The following KDM3A variants were observed in gnomAD, a reference collection of about 807,000 sequenced individuals.
KDM3A encodes lysine-specific demethylase 3A.
A neutral mutation model predicts 158.0 loss-of-function variants in KDM3A; 60 were observed. The observed-to-expected ratio is 0.38, with a 90% CI of 0.31 to 0.47. The LOEUF is 0.47. Ranked by LOEUF, KDM3A falls within the 20% of genes least tolerant of loss-of-function variation. The pLI, the probability that KDM3A is intolerant of heterozygous loss-of-function variation, is 0.99. For synonymous variants in KDM3A, 608 were observed against 549.3 expected (o/e 1.11, Z -1.49); for missense variants, 1,319 against 1,574.3 (o/e 0.84, Z 2.74).
intron 25 of KDM3A, chr2:86,491,824 G>A (rs1573219223): frequency 1.8e-6 from 1 of 553,796 alleles, no homozygotes; most frequent in Non-Finnish European, 3.2e-6. Flanking sequence ...ACCTCTAAAA[G>A]GGGGAAAATG....
chr2:86,485,215 T>C (rs950976099), intron 20 of KDM3A, among the ~76,000 whole-genome samples, 186 bp downstream of exon 20: 2 of 152,224 alleles, frequency 1.3e-5, no homozygotes, highest in African/African-American at 4.8e-5. Context: ...GATGAAGAAG[T>C]GATTGGCTTT....
chr2:86,452,195 CTT>C (rs35158232), intron 4 of KDM3A, among the ~76,000 whole-genome samples: 7 of 138,638 alleles, frequency 5.0e-5, no homozygotes, highest in Non-Finnish European at 4.6e-5. Flanking sequence ...CATTTTTGTG[CTT>C]TTTTTTTTTT....
Position 86,466,864 on chromosome 2 carries a change from C to T in KDM3A, c.1500C>T (p.Ser500=), listed in dbSNP as rs981115527. ...KVDNESCCSR[S]NNKIQNAPSR... is the part of the protein sequence containing the mutation. ...ATAATGAAAGCTGTTGTTCAAGAAG[C>T]AACAATAAAATCCAGAATGGTGAGT... Residue 500 remains serine (S), a synonymous_variant, in exon 10 of 26, where the codon AGC becomes AGT. Coordinates refer to ENST00000312912, the MANE Select transcript of KDM3A (RefSeq NM_018433.6). 58 of 1,602,490 alleles carry T rather than the reference C, an allele frequency of 3.6e-5. No homozygotes were observed. Among genetic ancestry groups the T allele is most frequent in the Non-Finnish European group, 4.9e-5 (58 of 1,175,264 alleles).
intron 8 of KDM3A, among the ~76,000 whole-genome samples, chr2:86,459,635 G>C (rs1672845237): frequency 6.6e-6 from 1 of 152,170 alleles, no homozygotes; most frequent in African/African-American, 2.4e-5. Flanking sequence ...TGTTGAGTGT[G>C]TCAGCAATGA....
chr2:86,490,087 TC>T (rs1307183287), intron 23 of KDM3A: 1 of 154,298 alleles, frequency 6.5e-6, no homozygotes, highest in Non-Finnish European at 1.4e-5. Context: ...TAGCAAGTGG[TC>T]CTACTTGTTA....
intron 14 of KDM3A, 130 bp downstream of exon 14, chr2:86,478,395 T>C (rs1461412664): frequency 2.4e-6 from 2 of 833,146 alleles, no homozygotes; most frequent in Non-Finnish European, 1.9e-6. Context: ...AGAAATATAT[T>C]AGATAATTCC....
At chr2:86,485,149 C>A in intron 20 of KDM3A, 120 bp downstream of exon 20, 1 of 617,470 alleles carries the variant, frequency 1.6e-6, no homozygotes, top group Non-Finnish European at 2.9e-6. Context: ...ATTATACTGC[C>A]ACTGATTTTT....
chr2:86,438,921 C>G (rs1270401749), upstream of KDM3A, among the ~76,000 whole-genome samples: 1 of 151,994 alleles, frequency 6.6e-6, no homozygotes, highest in Admixed American at 6.5e-5. Context: ...AAATCCTCTA[C>G]AACTTTCCAA....
Position 86,478,612 on chromosome 2 carries a change from C to T in KDM3A, c.2193C>T (p.Leu731=). The stretch of plus-strand genomic sequence containing the variant: ...TTGCCTCTGCCCTTTCTTTAGCACT[C>T]TATGATGTTGGAGACATTGTTCATT... ...MPTQIIPGKA[L]YDVGDIVHSV... is the part of the protein sequence containing the mutation. The change falls in exon 15 of 26, where the codon CTC becomes CTT. Residue 731 remains leucine, a synonymous_variant. Coordinates refer to ENST00000312912, the MANE Select transcript of KDM3A (RefSeq NM_018433.6). 6.2e-7 allele frequency: 1 copy of T among 1,614,022 alleles called. No homozygotes were observed. The highest frequency in any genetic ancestry group is 8.5e-7 in the Non-Finnish European group (1 of 1,179,956).
At chr2:86,466,350 C>T (rs200859016) in intron 9 of KDM3A, 22 bp from the exon 10 acceptor site, 9 of 1,580,774 alleles carry the variant, frequency 5.7e-6, no homozygotes, top group East Asian at 2.2e-5. Flanking sequence ...TGGATGCTAG[C>T]TTTCTATATT....
chr2:86,481,149 C>CA (rs1274432561), intron 16 of KDM3A, among the ~76,000 whole-genome samples: 1 of 152,140 alleles, frequency 6.6e-6, no homozygotes, highest in African/African-American at 2.4e-5. Context: ...TAATGATTTA[C>CA]AAAAAACTTC....
chr2:86,443,306 A>G (rs1012019073), intron 2 of KDM3A: 1 of 152,208 alleles, frequency 6.6e-6, no homozygotes, highest in African/African-American at 2.4e-5. Flanking sequence ...TTATATGTTG[A>G]TTTCTGAAAC....
At chr2:86,481,531 A>G (rs1673929082) in intron 16 of KDM3A, among the ~76,000 whole-genome samples, 1 of 151,646 alleles carries the variant, frequency 6.6e-6, no homozygotes. Flanking sequence ...TGTGTTCAAG[A>G]ACAAGACAAA....
At chr2:86,460,934 C>T (rs1456303451) in intron 8 of KDM3A, 1 of 152,122 alleles carries the variant, frequency 6.6e-6, no homozygotes, top group Non-Finnish European at 1.5e-5. Flanking sequence ...TGAGCTAAAC[C>T]TTAGGAAAGT....
chr2:86,442,416 C>T (rs887688457), intron 2 of KDM3A, 183 bp downstream of exon 2: 1 of 597,602 alleles, frequency 1.7e-6, no homozygotes, highest in African/African-American at 1.9e-5. Flanking sequence ...TTGTGTTTGG[C>T]CCACAGCTCC....
intron 1 of KDM3A, 107 bp from the exon 2 acceptor site, chr2:86,441,911 C>T (rs1573130033): frequency 2.4e-6 from 2 of 839,844 alleles, no homozygotes; most frequent in East Asian, 3.2e-5. Flanking sequence ...CGCCCGGGGC[C>T]GCGTCCTCGC....
intron 2 of KDM3A, among the ~76,000 whole-genome samples, chr2:86,446,378 G>C (rs1418809751): frequency 6.6e-6 from 1 of 152,158 alleles, no homozygotes; most frequent in Non-Finnish European, 1.5e-5. Flanking sequence ...GCATGAGCTT[G>C]GTCAAGTCAC....
At chr2:86,475,082 T>C (rs2104685029) in intron 12 of KDM3A, 92 bp downstream of exon 12, 2 of 1,027,460 alleles carry the variant, frequency 1.9e-6, no homozygotes, top group African/African-American at 1.6e-5. Flanking sequence ...GGGTTTTTTT[T>C]CACCCAGAAG....
chr2:86,456,935 A>C, intron 7 of KDM3A, 48 bp from the exon 8 acceptor site: 2 of 1,570,382 alleles, frequency 1.3e-6, no homozygotes, highest in Non-Finnish European at 1.7e-6. Context: ...TTCTTCTCAC[A>C]TTAAGAGAAA....
Sources: allele counts gnomAD v4.1 joint callset (sites outside exome capture counted in the v4.1 genomes callset), GRCh38; gene constraint gnomAD v4.1.1; transcripts MANE v1.5; gene names NCBI Gene and HGNC (gene_info 2026-07-23, HGNC 2026-07-21).